Variants in BAHCC1 observed in about 807,000 individuals in gnomAD.
BAHCC1 encodes BAH and coiled-coil domain-containing protein 1.
In BAHCC1, 43 loss-of-function variants were observed where a neutral mutation model predicts 88.2. The ratio of observed to expected loss-of-function variants is 0.49; its 90% CI spans 0.38 to 0.63. The LOEUF is 0.63. Among genes scored for constraint, BAHCC1 ranks in the 20% least tolerant of loss-of-function variants. The pLI is 0.00. For synonymous variants in BAHCC1, 1,510 were observed against 745.5 expected (o/e 2.03, Z -16.71); for missense variants, 3,023 against 1,654.8 (o/e 1.83, Z -14.34).
In BAHCC1 at chr17:81,465,332, A is replaced by G. The variant is rs1392429292; in HGVS notation, c.*1515A>G. The stretch of plus-strand genomic sequence containing the variant: ...GGGGCATAGAATGAGGGTCCCCCTG[A>G]CCACCTGAGCCCAAATCCTGGCCCC... On this transcript the variant is annotated 3_prime_UTR_variant, in exon 28 of 28. Transcript: ENST00000675386. 1 of 151,974 alleles carries G rather than the reference A, an allele frequency of 6.6e-6. No individual in the cohort carries two copies. Among genetic ancestry groups the G allele is most frequent in the East Asian group, 1.9e-4 (1 of 5,166 alleles). The allele number at this position is 151,974 out of a possible 1,614,324, so 9.4% of individuals were successfully genotyped here.
chr17:81,440,758 C>T (rs1174503122), intron 4 of BAHCC1, among the ~76,000 whole-genome samples: 1 of 152,162 alleles, frequency 6.6e-6, no homozygotes, highest in Non-Finnish European at 1.5e-5. Context: ...CAGACACTCA[C>T]CCCCCACCAG....
intron 2 of BAHCC1, among the ~76,000 whole-genome samples, chr17:81,407,760 C>T (rs142973750): frequency 6.6e-5 from 10 of 152,354 alleles, no homozygotes; most frequent in Non-Finnish European, 1.5e-4. Flanking sequence ...GGTTCACTGA[C>T]CAAGCTCACA....
At chr17:81,428,802 C>T (rs1296879051) in intron 3 of BAHCC1, among the ~76,000 whole-genome samples, 1 of 152,246 alleles carries the variant, frequency 6.6e-6, no homozygotes, top group Non-Finnish European at 1.5e-5. Context: ...CCGGGGACCC[C>T]CACCACTTCT....
intron 4 of BAHCC1, among the ~76,000 whole-genome samples, chr17:81,440,871 G>A (rs1258599798): frequency 2.0e-5 from 3 of 152,208 alleles, no homozygotes; most frequent in African/African-American, 4.8e-5. Flanking sequence ...CCAGATGAGA[G>A]GCCGAGGGGC....
chr17:81,448,433 C>G (rs925409748), intron 11 of BAHCC1, among the ~76,000 whole-genome samples: 3 of 152,148 alleles, frequency 2.0e-5, no homozygotes, highest in Admixed American at 1.3e-4. Flanking sequence ...ACCCGAGGGC[C>G]AGGTGTCTGC....
At chr17:81,421,626 C>T (rs2064116579) in intron 2 of BAHCC1, among the ~76,000 whole-genome samples, 1 of 152,234 alleles carries the variant, frequency 6.6e-6, no homozygotes, top group African/African-American at 2.4e-5. Flanking sequence ...GAAATCCACG[C>T]CTTTAGAGTA....
At chr17:81,396,584 G>T (rs1004401739) in intron 1 of BAHCC1, 19 of 152,168 alleles carry the variant, frequency 1.2e-4, no homozygotes, top group Non-Finnish European at 2.5e-4. Context: ...CCGCGCCCGC[G>T]CTCCCGGAGA....
chr17:81,442,289 G>A lies in BAHCC1; in HGVS notation c.940G>A (p.Val314Met), dbSNP rs782314841. ...GGMLGRPGTG[V>M]VTSGRCAKEA... ...CATGCTGGGGCGGCCTGGCACGGGG[G>A]TGGTGACCTCCGGGCGCTGTGCAAA... The change falls in exon 5 of 28, where the codon GTG becomes ATG. Residue 314 changes from valine to methionine, a missense_variant. Coordinates refer to ENST00000675386, the MANE Select transcript of BAHCC1 (RefSeq NM_001377448.1). The A allele has an allele frequency of 1.7e-5, 11 of 631,824 alleles. No homozygotes were observed. Among genetic ancestry groups the A allele is most frequent in the African/African-American group, 7.5e-5 (4 of 53,302 alleles). 39.1% of individuals were successfully genotyped at this position (631,824 alleles called of 1,614,324 possible). A position where few individuals can be genotyped will look rare whatever the true frequency, so the allele number is the denominator to read the frequency against.
Position 81,399,644 on chromosome 17 carries a change from C to A in BAHCC1, c.-96C>A. On this transcript the variant is annotated 5_prime_UTR_variant, in exon 2 of 28. Transcript: ENST00000675386. This position sits in a 1 kb window ranked among gnomAD's most constrained non-coding sequence, Gnocchi z 4.5. Reference sequence around the variant, plus strand: ...CGCCACCACCGCCTGTGACCCCGGACGCCGCCGCCTCTGCGCCGCCCGCGC... The same window carrying A: ...CGCCACCACCGCCTGTGACCCCGGAAGCCGCCGCCTCTGCGCCGCCCGCGC... 1 of 833,844 alleles carries A rather than the reference C, an allele frequency of 1.2e-6. No individual in the cohort carries two copies. The highest frequency in any genetic ancestry group is 1.5e-6 in the Non-Finnish European group (1 of 652,968). 51.7% of individuals were successfully genotyped at this position (833,844 alleles called of 1,614,324 possible).
intron 1 of BAHCC1, among the ~76,000 whole-genome samples, chr17:81,398,335 G>A (rs1322762471): frequency 6.6e-6 from 1 of 152,176 alleles, no homozygotes; most frequent in Admixed American, 6.5e-5. Context: ...TGGATGCTCC[G>A]CGTTGGGTGG....
chr17:81,461,041 C>A lies in BAHCC1; in HGVS notation c.6378C>A (p.Asn2126Lys), dbSNP rs368071969. 5.2e-6 allele frequency: 4 copies of A among 772,370 alleles called. No individual in the cohort carries two copies. Among genetic ancestry groups the A allele is most frequent in the South Asian group, 2.7e-5 (2 of 74,370 alleles). 47.8% of individuals were successfully genotyped at this position (772,370 alleles called of 1,614,324 possible). A position where few individuals can be genotyped will look rare whatever the true frequency, so the allele number is the denominator to read the frequency against. The change falls in exon 26 of 28, where the codon AAC becomes AAA. Residue 2126 changes from asparagine (N) to lysine (K), a missense_variant. Asn to Lys is a moderately conservative substitution (Grantham distance 94, BLOSUM62 0). Transcript: ENST00000675386. ...PGVLQNLFQL[N>K]GSSKKLRARE... ...TGCTGCAGAACCTCTTCCAGCTCAA[C>A]GGCAGCAGCAAGAAGCTGCGGGCCC...
intron 1 of BAHCC1, chr17:81,395,843 T>C (rs781839838): frequency 2.0e-5 from 3 of 151,246 alleles, no homozygotes; most frequent in Non-Finnish European, 4.4e-5. Flanking sequence ...CTATGAGCGA[T>C]TTTTTTTTCT....
In BAHCC1 at chr17:81,442,142, G is replaced by C. The variant is rs1181742336; in HGVS notation, c.793G>C (p.Gly265Arg). The C allele has an allele frequency of 3.0e-6, 2 of 661,496 alleles. No individual in the cohort carries two copies. The highest frequency in any genetic ancestry group is 5.5e-6 in the Non-Finnish European group (2 of 364,310). The allele number at this position is 661,496 out of a possible 1,614,324, so 41.0% of individuals were successfully genotyped here. ...PVPADGHCRE[G>R]GPAPRGACEG... Reference sequence around the variant, plus strand: ...GCCAGCCGACGGGCACTGCAGGGAGGGCGGCCCCGCACCCCGAGGGGCCTG... The same window carrying C: ...GCCAGCCGACGGGCACTGCAGGGAGCGCGGCCCCGCACCCCGAGGGGCCTG... The change falls in exon 5 of 28, where the codon GGC becomes CGC. Residue 265 changes from glycine to arginine, a missense_variant. By Grantham distance (125) the Gly-to-Arg change is moderately radical (BLOSUM62 -2). Transcript: ENST00000675386.
intron 6 of BAHCC1, 43 bp downstream of exon 6, chr17:81,443,960 G>C (rs2064473937): frequency 1.4e-6 from 1 of 699,602 alleles, no homozygotes; most frequent in Non-Finnish European, 2.6e-6. Flanking sequence ...GGCTAGGCCT[G>C]GGCTTGGGGC....
In BAHCC1 at chr17:81,441,188, A is replaced by C. The variant is rs998469702; in HGVS notation, c.482-643A>C. On this transcript the variant is annotated intron_variant, in intron 4 of 27. Coordinates refer to ENST00000675386, the MANE Select transcript of BAHCC1 (RefSeq NM_001377448.1). Reference sequence around the variant, plus strand: ...ATCTCTGAGGTGTGGGGAGCTGAACATGGGGGCAGAGGGTGAGTGTTTCAC... The same window carrying C: ...ATCTCTGAGGTGTGGGGAGCTGAACCTGGGGGCAGAGGGTGAGTGTTTCAC... Among the ~76,000 whole-genome samples, 7 of 152,216 alleles carry C rather than the reference A, an allele frequency of 4.6e-5. No individual in the cohort carries two copies. In the South Asian group the frequency reaches 1.5e-3, roughly 32 times the overall value.
chr17:81,407,887 C>T (rs2063900757), intron 2 of BAHCC1, among the ~76,000 whole-genome samples: 1 of 152,220 alleles, frequency 6.6e-6, no homozygotes, highest in Non-Finnish European at 1.5e-5. Flanking sequence ...CACAAGGAGT[C>T]CCACTCCAGT....
At position 81,458,330 on chromosome 17, in the gene BAHCC1, CG is replaced by C; in HGVS notation, c.5212del (p.Ala1738ProfsTer69). On this transcript the variant is annotated frameshift_variant, in exon 18 of 28. Coordinates refer to ENST00000675386, the MANE Select transcript of BAHCC1 (RefSeq NM_001377448.1). ...GCCAAGGGCAGCCTGCGGGCAGAGC[CG>C]GGGGCCACCCCCAGCAGGGACGCCC... ...GKAKGSLRAE[P>X]GATPSRDALF... 1 of 740,922 alleles carries C rather than the reference CG, an allele frequency of 1.3e-6. No homozygotes were observed. 45.9% of individuals were successfully genotyped at this position (740,922 alleles called of 1,614,324 possible).
intron 2 of BAHCC1, among the ~76,000 whole-genome samples, chr17:81,412,598 C>T (rs992884362): frequency 6.6e-6 from 1 of 152,168 alleles, no homozygotes; most frequent in Non-Finnish European, 1.5e-5. Context: ...GTTGCTGACT[C>T]GTGCACGAGG....
rs782346284 is a variant in BAHCC1, at chr17:81,442,780, G to A, written c.1431G>A (p.Glu477=). Residue 477 remains glutamate, a synonymous_variant, in exon 5 of 28, where the codon GAG becomes GAA. Transcript: ENST00000675386. ...GLDYLSSAGP[E]ASFPGLPKSG... ...ACTATCTCAGCAGCGCAGGCCCCGA[G>A]GCCTCCTTCCCCGGACTCCCTAAAA... 3.8e-6 allele frequency: 3 copies of A among 779,396 alleles called. No individual in the cohort carries two copies. Among genetic ancestry groups the A allele is most frequent in the African/African-American group, 3.4e-5 (2 of 59,156 alleles). 48.3% of individuals were successfully genotyped at this position (779,396 alleles called of 1,614,324 possible).
Sources: allele counts gnomAD v4.1 joint callset (sites outside exome capture counted in the v4.1 genomes callset), GRCh38; gene constraint gnomAD v4.1.1; non-coding constraint Gnocchi (gnomAD v3.1); transcripts MANE v1.5; gene names NCBI Gene and HGNC (gene_info 2026-07-23, HGNC 2026-07-21).